Variants in XG observed in about 807,000 individuals in gnomAD.
XG encodes the protein Xg glycoprotein (Xg blood group).
In XG, 24 loss-of-function variants were observed where a neutral mutation model predicts 25.7. The ratio of observed to expected loss-of-function variants is 0.93; its 90% CI spans 0.68 to 1.31. XG has a LOEUF of 1.31. Among genes scored for constraint, XG ranks in the 40% most tolerant of loss-of-function variants. XG has a pLI of 0.00. For missense variants in XG, 181 were observed against 187.6 expected (o/e 0.96, Z 0.21); for synonymous variants, 77 against 69.2 (o/e 1.11, Z -0.56).
rs311192 is a variant in XG, at chrX:2,801,739, C to T, written c.373+4379C>T. Among the ~76,000 whole-genome samples the T allele has an allele frequency of 5.4e-4, 59 of 109,071 alleles. 1 individual carries two copies. The highest frequency in any genetic ancestry group is 9.2e-3 in the Middle Eastern group (2 of 217). 94.7% of individuals were successfully genotyped at this position (109,071 alleles called of 115,157 possible). A position where few individuals can be genotyped will look rare whatever the true frequency, so the allele number is the denominator to read the frequency against. ...TTTATTTTTTTTTGAGACGGAGTCT[C>T]GCTCTGTCGCCCAGGCTGGAGTGCA... On this transcript the variant is annotated intron_variant, in intron 7 of 10. Coordinates refer to ENST00000644266, the MANE Select transcript of XG (RefSeq NM_001141919.2).
intron 1 of XG, among the ~76,000 whole-genome samples, chrX:2,763,870 G>C (rs1013811660): frequency 1.3e-5 from 2 of 152,052 alleles, no homozygotes; most frequent in Non-Finnish European, 2.9e-5. Flanking sequence ...TACTGCACAG[G>C]GCCGGTGGAC....
At chrX:2,754,174 C>G (rs312236) in intron 1 of XG, among the ~76,000 whole-genome samples, 34,234 of 152,010 alleles carry the variant, frequency 0.23, 4,141 homozygotes, top group Non-Finnish European at 0.26. Context: ...TCATAGCTCA[C>G]TGCAGTCTTC....
chrX:2,782,544 C>T (rs182591661), intron 4 of XG, among the ~76,000 whole-genome samples: 234 of 110,945 alleles, frequency 2.1e-3, no homozygotes, highest in Non-Finnish European at 3.7e-3. Flanking sequence ...CAGGTAGGGG[C>T]TTGGGAAGTG....
chrX:2,803,732 G>A (rs111460097), intron 7 of XG, among the ~76,000 whole-genome samples: 9 of 111,470 alleles, frequency 8.1e-5, no homozygotes, highest in African/African-American at 2.9e-4. Flanking sequence ...CTCAAACACC[G>A]CGCTTACGTT....
intron 1 of XG, among the ~76,000 whole-genome samples, chrX:2,766,360 C>T (rs1285777818): frequency 6.6e-6 from 1 of 151,918 alleles, no homozygotes; most frequent in African/African-American, 2.4e-5. Flanking sequence ...AGGATGGTCT[C>T]GATCTCTTGA....
chrX:2,793,785 G>A (rs1402314704), intron 5 of XG, among the ~76,000 whole-genome samples: 1 of 111,714 alleles, frequency 9.0e-6, no homozygotes, highest in Non-Finnish European at 1.9e-5. Context: ...GGATCGTGGG[G>A]ACCTGAGAAG....
At chrX:2,765,388 AG>A (rs2050661886) in intron 1 of XG, among the ~76,000 whole-genome samples, 2 of 150,298 alleles carry the variant, frequency 1.3e-5, no homozygotes, top group African/African-American at 2.4e-5. Flanking sequence ...GAAGGAAGGA[AG>A]GAAGGAAGGA....
chrX:2,801,668 C>T (rs1356040532), intron 7 of XG, among the ~76,000 whole-genome samples: 1 of 111,745 alleles, frequency 8.9e-6, no homozygotes, highest in African/African-American at 3.3e-5. Flanking sequence ...CATGTAAGCT[C>T]CTAGCTGGCT....
At chrX:2,801,916 C>G (rs1262224805) in intron 7 of XG, among the ~76,000 whole-genome samples, 1 of 109,952 alleles carries the variant, frequency 9.1e-6, no homozygotes, top group Non-Finnish European at 1.9e-5. Flanking sequence ...ACCGTGTTAG[C>G]CAGGATGATC....
intron 1 of XG, among the ~76,000 whole-genome samples, chrX:2,765,564 TG>T (rs2050666934): frequency 6.6e-6 from 1 of 152,212 alleles, no homozygotes; most frequent in South Asian, 2.1e-4. Flanking sequence ...AGTTCCGTGG[TG>T]TATAAATTCT....
At chrX:2,783,317 AAAAG>A (rs1217042395) in intron 4 of XG, among the ~76,000 whole-genome samples, 2 of 90,144 alleles carry the variant, frequency 2.2e-5, no homozygotes, top group African/African-American at 8.3e-5. Context: ...TGCAATTCAA[AAAAG>A]AAAGAGAGTG....
intron 1 of XG, among the ~76,000 whole-genome samples, chrX:2,755,233 A>G (rs1362906151): frequency 6.6e-6 from 1 of 152,220 alleles, no homozygotes; most frequent in African/African-American, 2.4e-5. Flanking sequence ...GAATAAAAGA[A>G]TGGCTATTCC....
chrX:2,762,458 C>T (rs1438262407), intron 1 of XG, among the ~76,000 whole-genome samples: 11 of 151,950 alleles, frequency 7.2e-5, no homozygotes, highest in South Asian at 2.1e-4. Context: ...TGCACCAGGG[C>T]GGCCTGCTCA....
intron 4 of XG, among the ~76,000 whole-genome samples, chrX:2,782,814 T>C (rs918898235): frequency 9.0e-6 from 1 of 111,305 alleles, no homozygotes; most frequent in Non-Finnish European, 1.9e-5. Context: ...AGCCCTAAAG[T>C]GTAATTTCTA....
intron 4 of XG, among the ~76,000 whole-genome samples, chrX:2,787,882 G>A (rs2086799094): frequency 1.0e-5 from 1 of 100,233 alleles, no homozygotes; most frequent in Non-Finnish European, 2.0e-5. Flanking sequence ...ACTCCAGCCT[G>A]GGCAACAACA....
intron 7 of XG, among the ~76,000 whole-genome samples, chrX:2,798,225 AC>A (rs999362971): frequency 9.0e-6 from 1 of 111,353 alleles, no homozygotes; most frequent in Non-Finnish European, 1.9e-5. Flanking sequence ...GGTTTGGAAA[AC>A]GACTGAAGCA....
chrX:2,795,950 C>G (rs1182720729), intron 6 of XG, among the ~76,000 whole-genome samples: 1 of 110,815 alleles, frequency 9.0e-6, no homozygotes, highest in Non-Finnish European at 1.9e-5. Context: ...GCCACTGTAC[C>G]TGGTCTATAT....
intron 3 of XG, among the ~76,000 whole-genome samples, chrX:2,778,239 G>A (rs2051043793): frequency 1.3e-5 from 2 of 151,654 alleles, no homozygotes; most frequent in African/African-American, 4.8e-5. Flanking sequence ...AGATGGAAAT[G>A]TTATTAAGAA....
intron 1 of XG, among the ~76,000 whole-genome samples, chrX:2,757,501 G>GCT (rs2124399662): frequency 6.6e-6 from 1 of 151,918 alleles, no homozygotes; most frequent in East Asian, 1.9e-4. Flanking sequence ...GTGTTTCTAT[G>GCT]TAAAGACTAA....
Sources: allele counts gnomAD v4.1 joint callset (sites outside exome capture counted in the v4.1 genomes callset), GRCh38; gene constraint gnomAD v4.1.1; transcripts MANE v1.5; gene names NCBI Gene and HGNC (gene_info 2026-07-23, HGNC 2026-07-21).